Variants in ACSL3 observed in about 807,000 individuals in gnomAD.
ACSL3 encodes fatty acid CoA ligase Acsl3.
Under a neutral mutation model 84.7 loss-of-function variants are expected in ACSL3, and 34 were observed. That is an observed-to-expected ratio of 0.40 (90% confidence interval 0.31 to 0.53). The LOEUF (loss-of-function observed/expected upper bound fraction) is 0.53, where lower values mean the gene tolerates loss of function less well. Ranked by LOEUF, ACSL3 falls within the 20% of genes least tolerant of loss-of-function variation. The pLI, the probability that ACSL3 is intolerant of heterozygous loss-of-function variation, is 0.48. For missense variants in ACSL3, 680 were observed against 873.1 expected, an observed-to-expected ratio of 0.78 and a Z score of 2.79; for synonymous variants, 315 against 299.4, an observed-to-expected ratio of 1.05 and a Z score of -0.54.
chr2:222,874,995 C>A (rs150974110), intron 1 of ACSL3, among the ~76,000 whole-genome samples: 119 of 151,950 alleles, frequency 7.8e-4, no homozygotes, highest in African/African-American at 2.8e-3. Flanking sequence ...AATTAAAAAT[C>A]TTCATTTATG....
chr2:222,930,060 C>T (rs1196615733), intron 13 of ACSL3, among the ~76,000 whole-genome samples: 1 of 151,168 alleles, frequency 6.6e-6, no homozygotes, highest in Non-Finnish European at 1.5e-5. Flanking sequence ...TCCCTAATAG[C>T]TGGGATTTCA....
intron 1 of ACSL3, among the ~76,000 whole-genome samples, chr2:222,882,053 C>T (rs1474654382): frequency 6.6e-6 from 1 of 152,098 alleles, no homozygotes; most frequent in African/African-American, 2.4e-5. Context: ...TGGTATGTCA[C>T]GTTTTGGAAT....
At chr2:222,941,151 A>G (rs1448881125) in intron 16 of ACSL3, among the ~76,000 whole-genome samples, 14 of 152,088 alleles carry the variant, frequency 9.2e-5, no homozygotes, top group Non-Finnish European at 7.4e-5. Flanking sequence ...GCTGGCCTTG[A>G]ATTCCTGGCC....
intron 7 of ACSL3, chr2:222,921,022 A>T: frequency 1.7e-6 from 1 of 577,462 alleles, no homozygotes; most frequent in South Asian, 1.5e-5. Context: ...TCCAAATAGC[A>T]TCTATTGTCA....
At chr2:222,915,507 CAGAG>C (rs1195708924) in intron 4 of ACSL3, among the ~76,000 whole-genome samples, 1 of 149,320 alleles carries the variant, frequency 6.7e-6, no homozygotes, top group Non-Finnish European at 1.5e-5. Flanking sequence ...TATATTTTTG[CAGAG>C]AGAGGAGCTT....
At chr2:222,926,990 C>A in intron 11 of ACSL3, 27 bp from the exon 12 acceptor site, 1 of 1,603,976 alleles carries the variant, frequency 6.2e-7, no homozygotes, top group Non-Finnish European at 8.5e-7. Context: ...TTTTAAAATC[C>A]TGTGGTTCTC....
intron 1 of ACSL3, among the ~76,000 whole-genome samples, chr2:222,867,878 G>C (rs1695194186): frequency 6.6e-6 from 1 of 151,560 alleles, no homozygotes; most frequent in Non-Finnish European, 1.5e-5. Flanking sequence ...TTTGAGCTAA[G>C]GTACCATTCT....
chr2:222,878,631 C>G (rs1695516209), intron 1 of ACSL3, among the ~76,000 whole-genome samples: 1 of 152,188 alleles, frequency 6.6e-6, no homozygotes, highest in Admixed American at 6.5e-5. Flanking sequence ...ACTGTGACCT[C>G]TGCATCTTCA....
chr2:222,913,381 A>G (rs1037783369), intron 4 of ACSL3, among the ~76,000 whole-genome samples: 29 of 152,208 alleles, frequency 1.9e-4, no homozygotes, highest in African/African-American at 6.8e-4. Context: ...TATATGTAAC[A>G]AATTATGGTC....
Position 222,930,603 on chromosome 2 carries a change from CAAT to C in ACSL3, c.1541-17_1541-15del, listed in dbSNP as rs567498212. On this transcript the variant is annotated splice_polypyrimidine_tract_variant and intron_variant, in intron 13 of 16. Coordinates refer to ENST00000357430, the MANE Select transcript of ACSL3 (RefSeq NM_004457.5). The stretch of plus-strand genomic sequence containing the variant: ...GTTGTATTTAACTCAACTATTAACT[CAAT>C]TATTATTTTATTAGGTGGATACTTT... 118 of 1,555,526 alleles carry C rather than the reference CAAT, an allele frequency of 7.6e-5. No homozygotes were observed. The highest frequency in any genetic ancestry group is 9.3e-5 in the Non-Finnish European group (107 of 1,149,594).
At chr2:222,864,315 C>T (rs1695083251) in intron 1 of ACSL3, among the ~76,000 whole-genome samples, 1 of 151,834 alleles carries the variant, frequency 6.6e-6, no homozygotes, top group East Asian at 1.9e-4. Context: ...GGCCATTTAC[C>T]GTTTTGAAGA....
At chr2:222,930,156 C>T (rs1479853682) in intron 13 of ACSL3, among the ~76,000 whole-genome samples, 6 of 151,994 alleles carry the variant, frequency 3.9e-5, no homozygotes, top group Non-Finnish European at 4.4e-5. Context: ...CCTCAAACTC[C>T]TGACCTCAGG....
At chr2:222,889,315 T>C (rs1574529119) in intron 2 of ACSL3, among the ~76,000 whole-genome samples, 1 of 152,248 alleles carries the variant, frequency 6.6e-6, no homozygotes, top group East Asian at 1.9e-4. Flanking sequence ...AGAAGTACTA[T>C]GGTACAGTGA....
rs1212381935 is a variant in ACSL3 at position 222,902,958 on chromosome 2, C to T, written c.-41+2178C>T. Reference sequence around the variant, plus strand: ...TGCTTTAGGCTTGAAGGTGAGGTTTCACCGGGGACTCTACCCTATCTGCCT... The same window carrying T: ...TGCTTTAGGCTTGAAGGTGAGGTTTTACCGGGGACTCTACCCTATCTGCCT... On this transcript the variant is annotated intron_variant, in intron 3 of 16. Transcript: ENST00000357430. 4.6e-5 allele frequency among the ~76,000 whole-genome samples: 7 copies of T among 152,284 alleles called. No homozygotes were observed. The East Asian group carries it at 1.2e-3, about 25-fold the overall frequency.
At chr2:222,923,214 G>A in intron 10 of ACSL3, 65 bp downstream of exon 10, 1 of 1,304,418 alleles carries the variant, frequency 7.7e-7, no homozygotes. Flanking sequence ...AAGCATTAGT[G>A]CTAGTGAAAA....
chr2:222,866,297 C>G (rs1439218037), intron 1 of ACSL3, among the ~76,000 whole-genome samples: 5 of 152,146 alleles, frequency 3.3e-5, no homozygotes, highest in African/African-American at 1.2e-4. Flanking sequence ...AGGTGCCCAC[C>G]ACCATGCCCG....
intron 14 of ACSL3, 21 bp from the exon 15 acceptor site, chr2:222,933,145 C>T (rs760232677): frequency 2.0e-6 from 3 of 1,484,810 alleles, no homozygotes; most frequent in African/African-American, 1.4e-5. Context: ...TTTCCCCTCT[C>T]CACCTTTCTT....
chr2:222,865,794 CTGTGTGTGTGTGTG>C lies in ACSL3; in HGVS notation c.-207+4554_-207+4567del, dbSNP rs3219912. 3.3e-5 allele frequency among the ~76,000 whole-genome samples: 5 copies of C among 150,118 alleles called. No individual in the cohort carries two copies. The East Asian group carries it at 9.9e-4, about 30-fold the overall frequency. ...ATGTTTTACCTTGATTTTGGATCCT[CTGTGTGTGTGTGTG>C]TGTGTGTGTGTGTGTGTACACAGAT... On this transcript the variant is annotated intron_variant, in intron 1 of 16. Transcript: ENST00000357430.
intron 14 of ACSL3, chr2:222,932,937 CAAAAA>C (rs1185693067): frequency 2.7e-4 from 1 of 3,744 alleles, no homozygotes; most frequent in Non-Finnish European, 3.6e-4. Context: ...GACTCCGTCT[CAAAAA>C]AAAAAAAAAA....
Sources: allele counts gnomAD v4.1 joint callset (sites outside exome capture counted in the v4.1 genomes callset), GRCh38; gene constraint gnomAD v4.1.1; transcripts MANE v1.5; gene names NCBI Gene and HGNC (gene_info 2026-07-23, HGNC 2026-07-21).